TTC28: variants seen among roughly 807,000 people sequenced by gnomAD.
The protein encoded by TTC28 is tetratricopeptide repeat domain 28, also known as tetratricopeptide repeat protein 28.
Under a neutral mutation model 198.0 loss-of-function variants are expected in TTC28, and 61 were observed. The ratio of observed to expected loss-of-function variants is 0.31; its 90% CI spans 0.25 to 0.38. TTC28 has a LOEUF of 0.38. Ranked by LOEUF, TTC28 falls within the 10% of genes least tolerant of loss-of-function variation. The pLI, the probability that TTC28 is intolerant of heterozygous loss-of-function variation, is 1.00. For synonymous variants in TTC28, 1,171 were observed against 1,297.8 expected, an observed-to-expected ratio of 0.90 and a Z score of 2.10; for missense variants, 2,678 against 3,164.0, an observed-to-expected ratio of 0.85 and a Z score of 3.69.
intron 6 of TTC28, among the ~76,000 whole-genome samples, chr22:28,152,652 A>C (rs1221823331): frequency 6.6e-6 from 1 of 152,254 alleles, no homozygotes; most frequent in Non-Finnish European, 1.5e-5. Flanking sequence ...GAGGTCTCAC[A>C]GACCTTTTGA....
chr22:28,167,466 A>G (rs1351877683), intron 5 of TTC28, among the ~76,000 whole-genome samples: 1 of 152,228 alleles, frequency 6.6e-6, no homozygotes, highest in Non-Finnish European at 1.5e-5. Flanking sequence ...CAAAAAGCTT[A>G]TACACCACGA....
intron 8 of TTC28, among the ~76,000 whole-genome samples, chr22:28,102,157 G>A (rs181326471): frequency 2.0e-5 from 3 of 152,226 alleles, no homozygotes; most frequent in Admixed American, 2.0e-4. Context: ...CCTTTCTCAC[G>A]TGCACAGCAT....
chr22:28,434,932 A>C (rs2047494714), intron 2 of TTC28, among the ~76,000 whole-genome samples: 1 of 152,200 alleles, frequency 6.6e-6, no homozygotes, highest in Admixed American at 6.5e-5. Flanking sequence ...ATATGATGTA[A>C]ATCTAAAATA....
intron 2 of TTC28, among the ~76,000 whole-genome samples, chr22:28,435,118 C>T (rs2047498810): frequency 6.6e-6 from 1 of 152,112 alleles, no homozygotes; most frequent in South Asian, 2.1e-4. Context: ...GCTTATTTCA[C>T]AAGACTTCTC....
intron 5 of TTC28, among the ~76,000 whole-genome samples, chr22:28,186,108 A>G (rs1022683092): frequency 1.3e-5 from 2 of 152,212 alleles, no homozygotes; most frequent in African/African-American, 4.8e-5. Context: ...ATCCTATCAC[A>G]AAATGGATAT....
chr22:28,046,184 T>C (rs1045733776), intron 12 of TTC28, among the ~76,000 whole-genome samples: 2 of 152,250 alleles, frequency 1.3e-5, no homozygotes, highest in Non-Finnish European at 2.9e-5. Flanking sequence ...AGTAACTTCA[T>C]CTACTTTCTT....
chr22:28,109,420 G>A (rs1018367167), intron 6 of TTC28, among the ~76,000 whole-genome samples: 6 of 152,160 alleles, frequency 3.9e-5, no homozygotes, highest in Non-Finnish European at 5.9e-5. Flanking sequence ...AGCTCTTGAC[G>A]GGGTTATACA....
At chr22:27,990,108 C>T (rs779284195) in intron 20 of TTC28, 101 bp from the exon 21 acceptor site, 8 of 1,421,686 alleles carry the variant, frequency 5.6e-6, no homozygotes, top group Non-Finnish European at 7.6e-6. Flanking sequence ...ACTGGCATCG[C>T]TAATGACCCT....
intron 2 of TTC28, among the ~76,000 whole-genome samples, chr22:28,407,276 AAGC>A (rs2047011639): frequency 6.6e-6 from 1 of 152,180 alleles, no homozygotes; most frequent in African/African-American, 2.4e-5. Flanking sequence ...ATTCTGGAGA[AAGC>A]AGGAGAAGAA....
At chr22:28,058,818 ATTAGT>A (rs893588291) in intron 12 of TTC28, among the ~76,000 whole-genome samples, 16 of 152,146 alleles carry the variant, frequency 1.1e-4, no homozygotes, top group South Asian at 2.1e-4. Context: ...TTAATCTAGT[ATTAGT>A]TTTGGTAAAA....
chr22:28,209,653 T>G (rs1601479706), intron 5 of TTC28, among the ~76,000 whole-genome samples: 1 of 152,152 alleles, frequency 6.6e-6, no homozygotes, highest in East Asian at 1.9e-4. Flanking sequence ...TCGAACTGGG[T>G]GGAGCCCACC....
At chr22:28,068,876 C>T (rs1274283453) in intron 12 of TTC28, among the ~76,000 whole-genome samples, 1 of 152,094 alleles carries the variant, frequency 6.6e-6, no homozygotes, top group Non-Finnish European at 1.5e-5. Flanking sequence ...AAATCATTTC[C>T]CTTGCTCTCA....
At chr22:28,475,808 G>A (rs1440216387) in intron 2 of TTC28, among the ~76,000 whole-genome samples, 2 of 152,142 alleles carry the variant, frequency 1.3e-5, no homozygotes, top group Non-Finnish European at 2.9e-5. Flanking sequence ...AAGTATGAAT[G>A]GGAAATCACT....
chr22:28,117,992 C>CA (rs1942678438), intron 6 of TTC28, among the ~76,000 whole-genome samples: 1 of 152,156 alleles, frequency 6.6e-6, no homozygotes, highest in Non-Finnish European at 1.5e-5. Context: ...ACAAGTACCC[C>CA]ATTTACCCCG....
At chr22:28,337,549 G>T (rs1219304881) in intron 2 of TTC28, among the ~76,000 whole-genome samples, 1 of 152,206 alleles carries the variant, frequency 6.6e-6, no homozygotes, top group Admixed American at 6.5e-5. Flanking sequence ...ATGTATTTAG[G>T]ATAGTTAGCT....
chr22:28,416,589 T>C (rs748322098), intron 2 of TTC28, among the ~76,000 whole-genome samples: 4 of 152,236 alleles, frequency 2.6e-5, no homozygotes, highest in Non-Finnish European at 4.4e-5. Context: ...TCTTTTCTTA[T>C]GTCTATCAAT....
chr22:28,082,636 G>T (rs1462088299), intron 12 of TTC28, among the ~76,000 whole-genome samples: 1 of 152,064 alleles, frequency 6.6e-6, no homozygotes, highest in Non-Finnish European at 1.5e-5. Flanking sequence ...ATGTATTATT[G>T]AATTCAGTTT....
At chr22:28,446,466 T>C (rs569357439) in intron 2 of TTC28, among the ~76,000 whole-genome samples, 1 of 152,016 alleles carries the variant, frequency 6.6e-6, no homozygotes, top group East Asian at 1.9e-4. Flanking sequence ...TGGTGGGAGG[T>C]TCGGATCATG....
chr22:28,216,115 C>G (rs1034348235), intron 5 of TTC28, among the ~76,000 whole-genome samples: 6 of 152,176 alleles, frequency 3.9e-5, no homozygotes, highest in Non-Finnish European at 5.9e-5. Flanking sequence ...CTGCTCCATC[C>G]TCAGCCTCCA....
Sources: allele counts gnomAD v4.1 joint callset (sites outside exome capture counted in the v4.1 genomes callset), GRCh38; gene constraint gnomAD v4.1.1; transcripts MANE v1.5; gene names NCBI Gene and HGNC (gene_info 2026-07-23, HGNC 2026-07-21).